The following SCN7A variants were observed in gnomAD, a reference collection of about 807,000 sequenced individuals.
The protein encoded by SCN7A is sodium channel protein type 7 subunit alpha.
SCN7A carries 138 observed loss-of-function variants against 155.2 expected under a neutral mutation model. The ratio of observed to expected loss-of-function variants is 0.89; its 90% confidence interval spans 0.77 to 1.02. The LOEUF (loss-of-function observed/expected upper bound fraction) is 1.02, where lower values mean the gene tolerates loss of function less well. Ranked by LOEUF, SCN7A falls within the 50% of genes least tolerant of loss-of-function variation. The pLI is 0.00. For synonymous variants in SCN7A, 693 were observed against 649.0 expected, an observed-to-expected ratio of 1.07 and a Z score of -1.03; for missense variants, 2,058 against 1,986.6, an observed-to-expected ratio of 1.04 and a Z score of -0.68.
chr2:166,430,940 A>T (rs775042817), intron 16 of SCN7A, among the ~76,000 whole-genome samples: 9 of 152,086 alleles, frequency 5.9e-5, no homozygotes, highest in African/African-American at 1.2e-4. Context: ...AAATATATAA[A>T]TAAATGAATA....
rs1376576966 is a variant in SCN7A at position 166,412,535 on chromosome 2, T to C, written c.3601A>G (p.Ile1201Val). 2 of 1,475,932 alleles carry C rather than the reference T, an allele frequency of 1.4e-6. No individual in the cohort carries two copies. The highest frequency in any genetic ancestry group is 1.8e-6 in the Non-Finnish European group (2 of 1,117,896). 91.4% of individuals were successfully genotyped at this position (1,475,932 alleles called of 1,614,324 possible). Residue 1201 changes from isoleucine (I) to valine (V), a missense_variant, in exon 23 of 26, where the codon ATA becomes GTA. Ile to Val is a conservative substitution (Grantham distance 29, BLOSUM62 3). Transcript: ENST00000643258. ...CAAATAATATTTATACTTATCTTTA[T>C]TTTATGCTTGTTGAAATTATCAATA... ...VIIDNFNKHK[I>V]KLGGSNIFIT... is the part of the protein sequence containing the mutation.
At chr2:166,469,327 T>C (rs1702603984) in intron 7 of SCN7A, among the ~76,000 whole-genome samples, 2 of 151,916 alleles carry the variant, frequency 1.3e-5, no homozygotes, top group South Asian at 4.1e-4. Context: ...GTGTAATTTT[T>C]ATCACTTTTT....
chr2:166,449,266 T>A (rs1215745351), intron 11 of SCN7A, among the ~76,000 whole-genome samples: 2 of 152,142 alleles, frequency 1.3e-5, no homozygotes, highest in East Asian at 3.9e-4. Context: ...TGTTTTTACA[T>A]TTGACACAAG....
intron 11 of SCN7A, among the ~76,000 whole-genome samples, chr2:166,451,312 A>G (rs866294131): frequency 6.6e-6 from 1 of 152,190 alleles, no homozygotes; most frequent in Non-Finnish European, 1.5e-5. Context: ...GCTTCTTATA[A>G]ATACTGAATA....
At chr2:166,433,642 G>C (rs1701778996) in intron 15 of SCN7A, among the ~76,000 whole-genome samples, 1 of 152,074 alleles carries the variant, frequency 6.6e-6, no homozygotes, top group Admixed American at 6.6e-5. Context: ...CCCAAGGTGA[G>C]CAAATAAGTT....
intron 14 of SCN7A, 149 bp downstream of exon 14, chr2:166,443,354 C>T: frequency 1.6e-6 from 1 of 630,686 alleles, no homozygotes; most frequent in Non-Finnish European, 2.6e-6. Context: ...CTTACTCTTT[C>T]CTTGGCAATA....
At position 166,423,325 on chromosome 2, in the gene SCN7A, C is replaced by T; in HGVS notation, c.2961G>A (p.Trp987Ter). The T allele has an allele frequency of 1.9e-6, 3 of 1,612,268 alleles. No homozygotes were observed. The highest frequency in any genetic ancestry group is 2.5e-6 in the Non-Finnish European group (3 of 1,179,106). ...AATAGGCCTTAAAACCATATGCCAT[C>T]CATTTTAGAAGCATTTCCAGAATGA... Reference protein sequence around the residue: ...YIFILEMLLKWMAYGFKAYFS... With the variant: ...YIFILEMLLK Residue 987 changes from tryptophan (W) to a stop codon, truncating the protein, a stop_gained, in exon 19 of 26, where the codon TGG becomes TGA. Coordinates refer to ENST00000643258, the MANE Select transcript of SCN7A (RefSeq NM_002976.4). LOFTEE classifies it high-confidence loss of function.
At chr2:166,407,558 C>T (rs562795521) in intron 25 of SCN7A, among the ~76,000 whole-genome samples, 3 of 151,928 alleles carry the variant, frequency 2.0e-5, no homozygotes, top group Admixed American at 1.3e-4. Flanking sequence ...CTATCAATAC[C>T]CTATCTCTAT....
At chr2:166,479,859 A>G (rs1055460130) in intron 2 of SCN7A, among the ~76,000 whole-genome samples, 15 of 152,172 alleles carry the variant, frequency 9.9e-5, no homozygotes, top group Non-Finnish European at 1.8e-4. Flanking sequence ...ATAGGGTACA[A>G]GGAAATTTTA....
At position 166,447,697 on chromosome 2, in the gene SCN7A, T is replaced by C. The variant is rs1451196724; in HGVS notation, c.1302A>G (p.Ile434Met). ...EGNETDEAKT[I>M]QIEMKKRSPI... ...GTGACCTTTTCTTCATTTCTATTTG[T>C]ATGGTCTTGGCCTGAAAAGGAATTT... The change falls in exon 12 of 26, where the codon ATA (isoleucine) becomes ATG (methionine). Residue 434 changes from isoleucine to methionine, a missense_variant. Ile to Met is a conservative substitution (Grantham distance 10, BLOSUM62 1). Transcript: ENST00000643258. 2.5e-6 allele frequency: 4 copies of C among 1,612,518 alleles called. No individual in the cohort carries two copies. Among genetic ancestry groups the C allele is most frequent in the Non-Finnish European group, 3.4e-6 (4 of 1,178,880 alleles).
chr2:166,404,444 A>G lies in SCN7A; in HGVS notation c.*1136T>C, dbSNP rs1701022283. On this transcript the variant is annotated 3_prime_UTR_variant, in exon 26 of 26. Transcript: ENST00000643258. ...AATATATAAGGGAAAACTAACTTGT[A>G]CATACTGTTATAAAACAACAACAAA... 6.6e-6 allele frequency: 1 copy of G among 151,952 alleles called. No homozygotes were observed. Among genetic ancestry groups the G allele is most frequent in the South Asian group, 2.1e-4 (1 of 4,830 alleles). 9.4% of individuals were successfully genotyped at this position (151,952 alleles called of 1,614,324 possible). A position where few individuals can be genotyped will look rare whatever the true frequency, so the allele number is the denominator to read the frequency against.
At chr2:166,462,652 T>G (rs965033450) in intron 9 of SCN7A, 122 bp from the exon 10 acceptor site, 1 of 794,866 alleles carries the variant, frequency 1.3e-6, no homozygotes, top group Non-Finnish European at 1.9e-6. Flanking sequence ...GGGAGAGTAA[T>G]GTCTGCTCCC....
intron 15 of SCN7A, among the ~76,000 whole-genome samples, chr2:166,438,999 T>C (rs921811578): frequency 2.3e-4 from 34 of 146,704 alleles, no homozygotes; most frequent in Non-Finnish European, 4.3e-4. Flanking sequence ...TTATATGTTA[T>C]ATCATACATA....
chr2:166,475,130 A>ATATATATATATATATACGTATATATG (rs1224236123), intron 3 of SCN7A, among the ~76,000 whole-genome samples: 9 of 129,764 alleles, frequency 6.9e-5, no homozygotes, highest in Non-Finnish European at 1.3e-4. Context: ...ACATATATAT[A>ATATATATATATATATACGTATATATG]TATATATACA....
intron 7 of SCN7A, among the ~76,000 whole-genome samples, chr2:166,468,968 A>T (rs946297935): frequency 6.6e-6 from 1 of 151,018 alleles, no homozygotes; most frequent in Non-Finnish European, 1.5e-5. Context: ...CTTTACATTT[A>T]TAACATTTTA....
chr2:166,405,269 A>G lies in SCN7A; in HGVS notation c.*311T>C. The G allele has an allele frequency of 3.8e-6, 1 of 264,146 alleles. No individual in the cohort carries two copies. The highest frequency in any genetic ancestry group is 7.0e-6 in the Non-Finnish European group (1 of 142,756). The allele number at this position is 264,146 out of a possible 1,614,324, so 16.4% of individuals were successfully genotyped here. On this transcript the variant is annotated 3_prime_UTR_variant, in exon 26 of 26. Coordinates refer to ENST00000643258, the MANE Select transcript of SCN7A (RefSeq NM_002976.4). ...TAAAAGAAAGCCCCTGCTGCTGCTGATCTCTATCACCACTTCCCTTCATTC... is the reference window on the plus strand; with the variant it reads ...TAAAAGAAAGCCCCTGCTGCTGCTGGTCTCTATCACCACTTCCCTTCATTC...
At position 166,412,659 on chromosome 2, in the gene SCN7A, T is replaced by C. The variant is rs1330613099; in HGVS notation, c.3477A>G (p.Ile1159Met). The change falls in exon 23 of 26, where the codon ATA (isoleucine) becomes ATG (methionine). Residue 1159 changes from isoleucine to methionine, a missense_variant. By Grantham distance (10) the Ile-to-Met change is conservative. Coordinates refer to ENST00000643258, the MANE Select transcript of SCN7A (RefSeq NM_002976.4). ...NSAIDSVAVN[I>M]QPHFEVNIYM... Reference sequence around the variant, plus strand: ...AGATGTTGACTTCAAAATGAGGCTGTATATTAACCTAGAAGTTTAAAATAA... The same window carrying C: ...AGATGTTGACTTCAAAATGAGGCTGCATATTAACCTAGAAGTTTAAAATAA... 2.7e-6 allele frequency: 4 copies of C among 1,499,680 alleles called. No homozygotes were observed. The South Asian group carries it at 4.2e-5, about 16-fold the overall frequency. 92.9% of individuals were successfully genotyped at this position (1,499,680 alleles called of 1,614,324 possible). A position where few individuals can be genotyped will look rare whatever the true frequency, so the allele number is the denominator to read the frequency against.
At chr2:166,480,676 C>T (rs898540837) in intron 2 of SCN7A, among the ~76,000 whole-genome samples, 2 of 152,164 alleles carry the variant, frequency 1.3e-5, no homozygotes, top group African/African-American at 4.8e-5. Context: ...CCTGCCTTAG[C>T]AATCAACTGT....
chr2:166,453,531 T>C (rs531299425), intron 11 of SCN7A, among the ~76,000 whole-genome samples: 2 of 152,316 alleles, frequency 1.3e-5, no homozygotes, highest in Admixed American at 1.3e-4. Context: ...AGCTTAGTGC[T>C]TTACATGCAT....
Sources: allele counts gnomAD v4.1 joint callset (sites outside exome capture counted in the v4.1 genomes callset), GRCh38; gene constraint gnomAD v4.1.1; transcripts MANE v1.5; gene names NCBI Gene and HGNC (gene_info 2026-07-23, HGNC 2026-07-21).